The following FANCA variants were observed in gnomAD, a reference collection of about 807,000 sequenced individuals.
FANCA encodes FA complementation group A.
In FANCA, 236 loss-of-function variants were observed where a neutral mutation model predicts 194.3. That is an observed-to-expected ratio of 1.21 (90% CI 1.09 to 1.35). The LOEUF is 1.35. Among genes scored for constraint, FANCA ranks in the 40% most tolerant of loss-of-function variants. FANCA has a pLI of 0.00. For missense variants in FANCA, 2,628 were observed against 1,813.9 expected, an observed-to-expected ratio of 1.45 and a Z score of -8.15; for synonymous variants, 1,014 against 715.8, an observed-to-expected ratio of 1.42 and a Z score of -6.65.
At chr16:89,791,819 G>A (rs1567635990) in intron 13 of FANCA, 108 bp downstream of exon 13, 22 of 1,426,226 alleles carry the variant, frequency 1.5e-5, no homozygotes, top group Non-Finnish European at 1.8e-5. Context: ...TTCCGGGCAG[G>A]TAGGGAAGGG....
At chr16:89,774,164 A>G (rs2039416222) in intron 21 of FANCA, among the ~76,000 whole-genome samples, 1 of 152,172 alleles carries the variant, frequency 6.6e-6, no homozygotes, top group African/African-American at 2.4e-5. Context: ...CAAGCATGAA[A>G]ATGCACTGCT....
rs1287893743 is a variant in FANCA, at chr16:89,791,005, T to TTG, written c.1359+396_1359+397dup. 6.2e-3 allele frequency: 1,424 copies of TTG among 230,556 alleles called. 28 individuals are homozygous for TTG. The highest frequency in any genetic ancestry group is 0.021 in the African/African-American group (587 of 28,000). The allele number at this position is 230,556 out of a possible 1,614,324, so 14.3% of individuals were successfully genotyped here. ...CCACCACACCTGCGTAGTTTTTGTT[T>TTG]TGTGTGTGTGTGTGTGTGTTTTTTT... On this transcript the variant is annotated intron_variant, in intron 14 of 42. Coordinates refer to ENST00000389301, the MANE Select transcript of FANCA (RefSeq NM_000135.4).
At chr16:89,803,187 G>A (rs747235117) in intron 8 of FANCA, 72 bp downstream of exon 8, 19 of 1,398,740 alleles carry the variant, frequency 1.4e-5, no homozygotes, top group Non-Finnish European at 1.8e-5. Context: ...AGAGAGACAC[G>A]TAAATACATT....
At chr16:89,776,168 T>C (rs575874466) in intron 20 of FANCA, among the ~76,000 whole-genome samples, 4,166 of 137,732 alleles carry the variant, frequency 0.03, 193 homozygotes, top group African/African-American at 0.1. Context: ...TCTTTTTTTT[T>C]TTTTTTTTTT....
chr16:89,790,130 G>A lies in FANCA; in HGVS notation c.1359+1273C>T, dbSNP rs566928746. Among the ~76,000 whole-genome samples, 17 of 152,318 alleles carry A rather than the reference G, an allele frequency of 1.1e-4. 1 individual carries two copies. The South Asian group carries it at 1.4e-3, about 13-fold the overall frequency. ...AAATTAGAGACGCAAGGCTGGGCAC[G>A]GTGGCTCATGCCTGTAATCCCTGCA... On this transcript the variant is annotated intron_variant, in intron 14 of 42. Transcript: ENST00000389301.
chr16:89,744,691 C>T (rs927910211), intron 36 of FANCA: 4 of 471,306 alleles, frequency 8.5e-6, no homozygotes, highest in African/African-American at 6.0e-5. Flanking sequence ...TTTTTCTGGA[C>T]AGAGTCTTGC....
intron 30 of FANCA, 126 bp downstream of exon 30, chr16:89,758,451 G>C: frequency 9.0e-7 from 1 of 1,107,348 alleles, no homozygotes; most frequent in Non-Finnish European, 1.4e-6. Context: ...TTTGGGTATA[G>C]GCTGGGAAAG....
At chr16:89,811,555 T>C (rs1476439196) in intron 3 of FANCA, among the ~76,000 whole-genome samples, 1 of 152,116 alleles carries the variant, frequency 6.6e-6, no homozygotes, top group Non-Finnish European at 1.5e-5. Context: ...GTCACAGCTG[T>C]GCTCAGTCCG....
At chr16:89,773,963 A>G (rs534470387) in intron 21 of FANCA, among the ~76,000 whole-genome samples, 4 of 151,768 alleles carry the variant, frequency 2.6e-5, no homozygotes, top group African/African-American at 4.8e-5. Context: ...TAGAGACGGG[A>G]TTTCACCACG....
At chr16:89,780,399 A>C (rs1235955062) in intron 17 of FANCA, among the ~76,000 whole-genome samples, 2 of 152,156 alleles carry the variant, frequency 1.3e-5, no homozygotes, top group Non-Finnish European at 2.9e-5. Context: ...AGCGGGGCAG[A>C]CTGCTTAAGC....
At chr16:89,780,699 C>A (rs990435849) in intron 17 of FANCA, among the ~76,000 whole-genome samples, 2 of 151,146 alleles carry the variant, frequency 1.3e-5, no homozygotes, top group Non-Finnish European at 2.9e-5. Context: ...GGGGCCAAGG[C>A]GGAAGGATCA....
chr16:89,806,989 C>G (rs1330349048), intron 6 of FANCA, among the ~76,000 whole-genome samples: 1 of 152,126 alleles, frequency 6.6e-6, no homozygotes, highest in Non-Finnish European at 1.5e-5. Context: ...CTGACTCCCC[C>G]ACCTCCCTCC....
At chr16:89,789,547 C>T (rs2040001944) in intron 14 of FANCA, among the ~76,000 whole-genome samples, 2 of 146,926 alleles carry the variant, frequency 1.4e-5, no homozygotes, top group Admixed American at 1.4e-4. Context: ...CTTAAGTAAT[C>T]ATCCTGCCTC....
chr16:89,790,268 C>T (rs560552738), intron 14 of FANCA, among the ~76,000 whole-genome samples: 1 of 151,538 alleles, frequency 6.6e-6, no homozygotes, highest in African/African-American at 2.4e-5. Flanking sequence ...GTGGCGAACG[C>T]CTGTAACCCC....
chr16:89,742,408 C>G (rs574188764), intron 37 of FANCA, among the ~76,000 whole-genome samples: 1 of 151,854 alleles, frequency 6.6e-6, no homozygotes. Context: ...GAGCTGACTG[C>G]ACCACTGCAC....
At chr16:89,772,295 C>A (rs2039353211) in intron 22 of FANCA, among the ~76,000 whole-genome samples, 1 of 152,246 alleles carries the variant, frequency 6.6e-6, no homozygotes. Context: ...CCATGTCCCC[C>A]ATGTACCACA....
intron 14 of FANCA, among the ~76,000 whole-genome samples, chr16:89,790,355 G>C (rs7205053): frequency 0.54 from 81,288 of 151,290 alleles, 24,347 homozygotes; most frequent in East Asian, 0.98. Flanking sequence ...GGTCGCACCA[G>C]TGCACTCCAG....
Position 89,816,604 on chromosome 16 carries a change from C to CG in FANCA, c.11dup (p.Trp5ValfsTer32). The stretch of plus-strand genomic sequence containing the variant: ...GGCCCGAGGCGGAGTTCGGGACCCA[C>CG]GAGTCGGACATGGCCTTGGCGCCTA... On this transcript the variant is annotated frameshift_variant, in exon 1 of 43. Transcript: ENST00000389301. LOFTEE classifies it high-confidence loss of function. The CG allele has an allele frequency of 6.6e-7, 1 of 1,526,238 alleles. No homozygotes were observed. Among genetic ancestry groups the CG allele is most frequent in the Non-Finnish European group, 8.7e-7 (1 of 1,144,666 alleles). 94.5% of individuals were successfully genotyped at this position (1,526,238 alleles called of 1,614,324 possible). A position where few individuals can be genotyped will look rare whatever the true frequency, so the allele number is the denominator to read the frequency against.
intron 15 of FANCA, among the ~76,000 whole-genome samples, chr16:89,783,806 C>A (rs999049252): frequency 1.3e-5 from 2 of 152,022 alleles, no homozygotes; most frequent in Non-Finnish European, 2.9e-5. Context: ...TCTTATTGCC[C>A]AGGCTGGAGT....
Sources: gnomAD v4.1 joint callset for allele counts (sites outside exome capture counted in the v4.1 genomes callset) on GRCh38, gnomAD v4.1.1 for gene constraint, MANE v1.5 for transcripts, NCBI Gene and HGNC (gene_info 2026-07-23, HGNC 2026-07-21) for gene names.